The following DACH2 variants were observed in gnomAD, a reference collection of about 807,000 sequenced individuals.
DACH2 encodes dachshund homolog 2.
A neutral mutation model predicts 35.8 loss-of-function variants in DACH2; 17 were observed. That is an observed-to-expected ratio of 0.48 (90% CI 0.33 to 0.71). The LOEUF (loss-of-function observed/expected upper bound fraction) is 0.71, where lower values mean the gene tolerates loss of function less well. Among genes scored for constraint, DACH2 ranks in the 30% least tolerant of loss-of-function variants. DACH2 has a pLI of 0.02. For missense variants in DACH2, 469 were observed against 472.7 expected, an observed-to-expected ratio of 0.99 and a Z score of 0.07; for synonymous variants, 195 against 177.3, an observed-to-expected ratio of 1.10 and a Z score of -0.79.
At chrX:86,516,540 C>T (rs750910501) in intron 3 of DACH2, among the ~76,000 whole-genome samples, 109 of 110,325 alleles carry the variant, frequency 9.9e-4, no homozygotes, top group Non-Finnish European at 1.7e-3. Flanking sequence ...TATGGCTCCG[C>T]GAGTTTAAAT....
intron 1 of DACH2, among the ~76,000 whole-genome samples, chrX:86,173,225 A>G (rs891197672): frequency 7.1e-5 from 8 of 112,151 alleles, no homozygotes; most frequent in African/African-American, 2.6e-4. Context: ...TGCTTGGGAT[A>G]CATCTATTAA....
chrX:86,298,768 T>A (rs1602376885), intron 1 of DACH2, among the ~76,000 whole-genome samples: 2 of 112,369 alleles, frequency 1.8e-5, no homozygotes, highest in African/African-American at 6.4e-5. Context: ...AGAGTTCAGG[T>A]CCAACTTGTA....
chrX:86,571,741 C>T (rs1041044007), intron 3 of DACH2, among the ~76,000 whole-genome samples: 2 of 110,177 alleles, frequency 1.8e-5, no homozygotes. Flanking sequence ...AGGTCTTTTG[C>T]CTTTCTCTAT....
intron 1 of DACH2, among the ~76,000 whole-genome samples, chrX:86,193,633 A>T (rs1239541341): frequency 1.8e-5 from 2 of 111,497 alleles, no homozygotes; most frequent in East Asian, 5.6e-4. Context: ...TTTTAGTTAG[A>T]TATATTTTAA....
intron 1 of DACH2, among the ~76,000 whole-genome samples, chrX:86,296,106 G>A (rs1051979384): frequency 9.1e-5 from 10 of 109,999 alleles, no homozygotes; most frequent in South Asian, 7.8e-4. Context: ...TTGGCCGGGC[G>A]AGGTGGCTCA....
At chrX:86,566,246 A>G (rs1285623192) in intron 3 of DACH2, among the ~76,000 whole-genome samples, 2 of 112,019 alleles carry the variant, frequency 1.8e-5, no homozygotes, top group African/African-American at 3.2e-5. Context: ...ATGAATTCCA[A>G]TTACAGAAGT....
chrX:86,720,715 G>T (rs1215782135), intron 6 of DACH2, among the ~76,000 whole-genome samples: 1 of 112,113 alleles, frequency 8.9e-6, no homozygotes, highest in African/African-American at 3.2e-5. Flanking sequence ...GAAAACAGTG[G>T]CCCTCTTCTC....
chrX:86,336,473 C>T (rs966306389), intron 1 of DACH2, among the ~76,000 whole-genome samples: 1 of 111,446 alleles, frequency 9.0e-6, no homozygotes, highest in Non-Finnish European at 1.9e-5. Flanking sequence ...GGACCTTCAG[C>T]AAACTCCAGC....
intron 4 of DACH2, among the ~76,000 whole-genome samples, chrX:86,667,545 G>GAAAAAAGAAAGA: frequency 3.2e-5 from 1 of 31,364 alleles, no homozygotes; most frequent in South Asian, 1.8e-3. Flanking sequence ...AAGAAAGAAA[G>GAAAAAAGAAAGA]AAGAAAGAAA....
At chrX:86,693,655 T>C (rs1238624102) in intron 4 of DACH2, among the ~76,000 whole-genome samples, 2 of 112,655 alleles carry the variant, frequency 1.8e-5, no homozygotes, top group Non-Finnish European at 3.7e-5. Flanking sequence ...CTGAAAAGTT[T>C]ACAACTCTCA....
In DACH2 at chrX:86,292,758, G is replaced by A. The variant is rs368870039; in HGVS notation, c.489-84066G>A. 3.3e-4 allele frequency among the ~76,000 whole-genome samples: 37 copies of A among 111,628 alleles called. 3 individuals are homozygous for A. Among genetic ancestry groups the A allele is most frequent in the Admixed American group, 2.1e-3 (22 of 10,444 alleles). ...GTTTTGAGTGAGTTTCTTAATCCTG[G>A]GTTCTAGTTTGATTGCACTGTAGTC... On this transcript the variant is annotated intron_variant, in intron 1 of 11. Transcript: ENST00000373125.
intron 7 of DACH2, among the ~76,000 whole-genome samples, chrX:86,776,486 G>T (rs2042033230): frequency 8.9e-6 from 1 of 112,011 alleles, no homozygotes. Flanking sequence ...AACTGAGAAT[G>T]GTGTACAAAT....
At chrX:86,291,685 TGTG>T (rs1196134057) in intron 1 of DACH2, among the ~76,000 whole-genome samples, 2 of 103,529 alleles carry the variant, frequency 1.9e-5, no homozygotes, top group African/African-American at 7.3e-5. Context: ...GAGATAATCA[TGTG>T]GTTTTTGTCT....
chrX:86,227,124 A>G (rs1039907492), intron 1 of DACH2, among the ~76,000 whole-genome samples: 5 of 111,752 alleles, frequency 4.5e-5, no homozygotes, highest in African/African-American at 1.6e-4. Context: ...ATACTGGTTT[A>G]CATTTATTGG....
chrX:86,626,612 T>A (rs2040141218), intron 3 of DACH2, among the ~76,000 whole-genome samples: 1 of 113,059 alleles, frequency 8.8e-6, no homozygotes, highest in Admixed American at 9.3e-5. Context: ...TGTCTAGACA[T>A]CCAGGAGCTT....
At chrX:86,396,382 C>G (rs1286116251) in intron 2 of DACH2, among the ~76,000 whole-genome samples, 4 of 94,423 alleles carry the variant, frequency 4.2e-5, no homozygotes, top group Non-Finnish European at 8.4e-5. Flanking sequence ...TGCAGAAGCT[C>G]TTTAGTTTAA....
chrX:86,801,268 G>A (rs2042291574), intron 7 of DACH2, among the ~76,000 whole-genome samples: 1 of 108,613 alleles, frequency 9.2e-6, no homozygotes, highest in African/African-American at 3.4e-5. Context: ...TGCCCACGCT[G>A]GAGTGCAGTG....
At chrX:86,343,170 C>G (rs2035440968) in intron 1 of DACH2, among the ~76,000 whole-genome samples, 1 of 111,307 alleles carries the variant, frequency 9.0e-6, no homozygotes. Flanking sequence ...TAAGGTATGC[C>G]TGTACTACTG....
intron 2 of DACH2, among the ~76,000 whole-genome samples, chrX:86,460,595 A>G (rs963151507): frequency 3.1e-4 from 34 of 111,028 alleles, no homozygotes; most frequent in African/African-American, 1.0e-3. Flanking sequence ...AGCTATTTTA[A>G]ATATAAAGGT....
Sources: gnomAD v4.1 joint callset for allele counts (sites outside exome capture counted in the v4.1 genomes callset) on GRCh38, gnomAD v4.1.1 for gene constraint, MANE v1.5 for transcripts, NCBI Gene and HGNC (gene_info 2026-07-23, HGNC 2026-07-21) for gene names.